The following EYS variants were observed in gnomAD, a reference collection of about 807,000 sequenced individuals.
EYS encodes EGF-like photoreceptor maintenance factor, also known as protein eyes shut homolog.
In EYS, 250 loss-of-function variants were observed where a neutral mutation model predicts 282.1. The observed-to-expected ratio is 0.89, with a 90% CI of 0.80 to 0.98. The LOEUF (loss-of-function observed/expected upper bound fraction) is 0.98. Ranked by LOEUF, EYS falls within the 50% of genes least tolerant of loss-of-function variation. EYS has a pLI of 0.00. For missense variants in EYS, 4,016 were observed against 3,709.0 expected, an observed-to-expected ratio of 1.08 and a Z score of -2.15; for synonymous variants, 1,355 against 1,282.9, an observed-to-expected ratio of 1.06 and a Z score of -1.20.
chr6:64,125,202 T>C (rs1773733719), intron 31 of EYS, among the ~76,000 whole-genome samples: 2 of 148,736 alleles, frequency 1.3e-5, no homozygotes, highest in South Asian at 2.1e-4. Flanking sequence ...CAAGGAGTAA[T>C]GACAGGTTTA....
chr6:63,995,713 G>A (rs1767804342), intron 34 of EYS, among the ~76,000 whole-genome samples: 1 of 152,000 alleles, frequency 6.6e-6, no homozygotes, highest in Non-Finnish European at 1.5e-5. Flanking sequence ...ATGTGGTATA[G>A]TATGATCTCA....
rs557221243 is a variant in EYS at position 63,796,090 on chromosome 6, G to A, written c.7412-6866C>T. On this transcript the variant is annotated intron_variant, in intron 37 of 42. Transcript: ENST00000503581. ...AGCATAAAACTCATTTATTAAAGAT[G>A]TAATTCAAGTCTGTGCTTTGGAGAG... Among the ~76,000 whole-genome samples the A allele has an allele frequency of 4.4e-4, 67 of 152,170 alleles. 1 individual carries two copies. The highest frequency in any genetic ancestry group is 4.1e-3 in the Admixed American group (63 of 15,274).
intron 22 of EYS, among the ~76,000 whole-genome samples, chr6:64,671,141 G>A (rs749833274): frequency 1.3e-5 from 2 of 152,044 alleles, no homozygotes; most frequent in Admixed American, 6.5e-5. Flanking sequence ...TTTTTACCTG[G>A]AGGAGGGTTA....
In EYS at chr6:65,405,081, A is replaced by C. The variant is rs1766668995; in HGVS notation, c.1056+93T>G. 5.8e-6 allele frequency: 5 copies of C among 868,666 alleles called. No homozygotes were observed. In the East Asian group the frequency reaches 1.3e-4, roughly 23 times the overall value. The allele number at this position is 868,666 out of a possible 1,614,324, so 53.8% of individuals were successfully genotyped here. A position where few individuals can be genotyped will look rare whatever the true frequency, so the allele number is the denominator to read the frequency against. ...CTGAGTTTAACAATTAAACTACCTT[A>C]ATAAGGATTCTAATTATTTATTCTT... On this transcript the variant is annotated intron_variant, in intron 6 of 42. Coordinates refer to ENST00000503581, the MANE Select transcript of EYS (RefSeq NM_001142800.2).
chr6:64,318,424 G>A (rs1770065180), intron 29 of EYS, among the ~76,000 whole-genome samples: 1 of 151,794 alleles, frequency 6.6e-6, no homozygotes, highest in Non-Finnish European at 1.5e-5. Flanking sequence ...TTAGACAGAG[G>A]GCATTCGATG....
At chr6:65,599,804 G>A (rs529429639) in intron 2 of EYS, among the ~76,000 whole-genome samples, 3 of 151,960 alleles carry the variant, frequency 2.0e-5, no homozygotes, top group Non-Finnish European at 4.4e-5. Flanking sequence ...GAAGGGGTTG[G>A]GGGGATAAAT....
At chr6:65,439,066 C>T (rs941225853) in intron 5 of EYS, among the ~76,000 whole-genome samples, 10 of 151,910 alleles carry the variant, frequency 6.6e-5, no homozygotes, top group African/African-American at 2.4e-4. Flanking sequence ...TTCAGCTTTC[C>T]ACATATGGCT....
intron 12 of EYS, among the ~76,000 whole-genome samples, chr6:65,213,955 CAG>C (rs1182463366): frequency 6.6e-6 from 1 of 151,594 alleles, no homozygotes; most frequent in Admixed American, 6.6e-5. Flanking sequence ...GGTCAGGAGA[CAG>C]AGACCATCCT....
At chr6:65,130,714 T>A (rs1231435009) in intron 12 of EYS, among the ~76,000 whole-genome samples, 1 of 151,198 alleles carries the variant, frequency 6.6e-6, no homozygotes, top group East Asian at 1.9e-4. Flanking sequence ...GCTTAATACC[T>A]AGGTGATAAA....
At chr6:64,867,895 T>A (rs1226081957) in intron 19 of EYS, among the ~76,000 whole-genome samples, 1 of 151,576 alleles carries the variant, frequency 6.6e-6, no homozygotes, top group Non-Finnish European at 1.5e-5. Flanking sequence ...TAAAATGAAC[T>A]TTCATTAGAC....
At chr6:64,751,977 A>T (rs921580133) in intron 22 of EYS, among the ~76,000 whole-genome samples, 1 of 152,134 alleles carries the variant, frequency 6.6e-6, no homozygotes, top group South Asian at 2.1e-4. Context: ...ATCCTCAAGG[A>T]TGTGACTCAT....
At chr6:65,459,944 T>C (rs1264771445) in intron 5 of EYS, among the ~76,000 whole-genome samples, 2 of 131,282 alleles carry the variant, frequency 1.5e-5, no homozygotes, top group Non-Finnish European at 3.2e-5. Flanking sequence ...TTCTGGTGCG[T>C]GTGTGTGTGT....
At chr6:65,508,715 T>C (rs953426839) in intron 2 of EYS, among the ~76,000 whole-genome samples, 1 of 152,038 alleles carries the variant, frequency 6.6e-6, no homozygotes, top group Non-Finnish European at 1.5e-5. Flanking sequence ...AATTTCCCAT[T>C]TTCATTGAGA....
chr6:65,426,297 T>G (rs2150380544), intron 5 of EYS, among the ~76,000 whole-genome samples: 1 of 152,218 alleles, frequency 6.6e-6, no homozygotes, highest in Non-Finnish European at 1.5e-5. Flanking sequence ...ATTTTATTAT[T>G]ATTAACTTTT....
At chr6:65,378,695 T>C (rs938210354) in intron 8 of EYS, among the ~76,000 whole-genome samples, 2 of 152,160 alleles carry the variant, frequency 1.3e-5, no homozygotes, top group African/African-American at 2.4e-5. Context: ...CATGGAATAC[T>C]ATGCATTCAT....
At chr6:64,524,572 T>C (rs757750568) in intron 26 of EYS, among the ~76,000 whole-genome samples, 16 of 151,902 alleles carry the variant, frequency 1.1e-4, no homozygotes, top group African/African-American at 3.9e-4. Context: ...CAGAATAGTA[T>C]TGCCTAGGTT....
At chr6:65,471,398 A>T (rs1765213104) in intron 5 of EYS, among the ~76,000 whole-genome samples, 1 of 152,064 alleles carries the variant, frequency 6.6e-6, no homozygotes, top group Admixed American at 6.6e-5. Flanking sequence ...CCTGTTTTAA[A>T]AACAAAAACA....
At chr6:65,429,688 A>G (rs980568889) in intron 5 of EYS, among the ~76,000 whole-genome samples, 12 of 152,160 alleles carry the variant, frequency 7.9e-5, no homozygotes, top group Non-Finnish European at 1.5e-4. Flanking sequence ...AACAAGCAAA[A>G]GAGAATAAAA....
chr6:65,507,158 T>G (rs1487434117), intron 2 of EYS, among the ~76,000 whole-genome samples: 1 of 152,164 alleles, frequency 6.6e-6, no homozygotes. Context: ...TGAGAAAGTT[T>G]TTACTTCTTC....
Sources: allele counts gnomAD v4.1 joint callset (sites outside exome capture counted in the v4.1 genomes callset), GRCh38; gene constraint gnomAD v4.1.1; transcripts MANE v1.5; gene names NCBI Gene and HGNC (gene_info 2026-07-23, HGNC 2026-07-21).